The following FBXW4 variants were observed in gnomAD, a reference collection of about 807,000 sequenced individuals.
FBXW4 encodes the protein F-box and WD repeat domain containing 4.
Under a neutral mutation model 61.8 loss-of-function variants are expected in FBXW4, and 40 were observed. The observed-to-expected ratio is 0.65, with a 90% CI of 0.50 to 0.84. The LOEUF (loss-of-function observed/expected upper bound fraction) is 0.84. Ranked by LOEUF, FBXW4 falls within the 40% of genes least tolerant of loss-of-function variation. The pLI is 0.00. For missense variants in FBXW4, 672 were observed against 753.8 expected (o/e 0.89, Z 1.27); for synonymous variants, 311 against 313.8 (o/e 0.99, Z 0.10).
At chr10:101,667,815 G>T in intron 5 of FBXW4, 71 bp downstream of exon 5, 1 of 1,326,040 alleles carries the variant, frequency 7.5e-7, no homozygotes, top group Non-Finnish European at 1.1e-6. Context: ...AGATTTTCTA[G>T]CTCACCTGAT....
chr10:101,612,232 C>T, intron 7 of FBXW4, 105 bp downstream of exon 7: 1 of 1,271,024 alleles, frequency 7.9e-7, no homozygotes, highest in African/African-American at 1.5e-5. Flanking sequence ...CCAGCCCTGA[C>T]ATGGAGTCTC....
intron 6 of FBXW4, among the ~76,000 whole-genome samples, chr10:101,617,631 A>T (rs2063835940): frequency 6.6e-6 from 1 of 152,246 alleles, no homozygotes; most frequent in South Asian, 2.1e-4. Flanking sequence ...ACAATGGCTC[A>T]AAGGCCAGGC....
chr10:101,611,603 G>A lies in FBXW4; in HGVS notation c.1584+25C>T. The A allele has an allele frequency of 6.2e-7, 1 of 1,612,690 alleles. No homozygotes were observed. The highest frequency in any genetic ancestry group is 8.5e-7 in the Non-Finnish European group (1 of 1,178,954). On this transcript the variant is annotated intron_variant, in intron 8 of 8. Coordinates refer to ENST00000331272, the MANE Select transcript of FBXW4 (RefSeq NM_022039.4). This position sits in a 1 kb window ranked among gnomAD's most constrained non-coding sequence, Gnocchi z 4.9. ...CATAATCATGAGTCCTGGCATGCTG[G>A]AGAAGAGGTGGGCAGGACACTTACG... is the stretch of plus-strand genomic sequence containing the variant.
At chr10:101,656,535 T>C (rs2064186793) in intron 5 of FBXW4, among the ~76,000 whole-genome samples, 2 of 152,228 alleles carry the variant, frequency 1.3e-5, no homozygotes, top group African/African-American at 2.4e-5. Flanking sequence ...AGCCCACATA[T>C]GGAGGCTCCA....
intron 5 of FBXW4, among the ~76,000 whole-genome samples, chr10:101,664,844 C>T (rs1173332951): frequency 1.3e-5 from 2 of 152,138 alleles, no homozygotes; most frequent in African/African-American, 2.4e-5. Context: ...ACATATATTA[C>T]AGCCCTTTTA....
intron 6 of FBXW4, among the ~76,000 whole-genome samples, chr10:101,616,657 A>C (rs1479241849): frequency 6.6e-6 from 1 of 152,250 alleles, no homozygotes. Context: ...AAGGTGCAGC[A>C]CTAGGGCAAC....
At chr10:101,671,039 A>C (rs2064354588) in intron 4 of FBXW4, among the ~76,000 whole-genome samples, 1 of 152,222 alleles carries the variant, frequency 6.6e-6, no homozygotes, top group South Asian at 2.1e-4. Context: ...AATTCTTATG[A>C]AGGTTCAGGT....
intron 5 of FBXW4, among the ~76,000 whole-genome samples, chr10:101,632,943 T>A (rs1384175996): frequency 6.6e-6 from 1 of 152,074 alleles, no homozygotes; most frequent in Admixed American, 6.6e-5. Context: ...TCCAAAAGAC[T>A]CAACCAAAAA....
At position 101,673,623 on chromosome 10, in the gene FBXW4, G is replaced by C. The variant is rs368317323; in HGVS notation, c.872C>G (p.Ala291Gly). The change falls in exon 3 of 9, where the codon GCT (alanine) becomes GGT (glycine). Residue 291 changes from alanine to glycine, a missense_variant. Ala to Gly is a moderately conservative substitution (Grantham distance 60). Around this residue, in one of 5 missense-constraint regions of FBXW4, gnomAD observed 312 missense variants for 370.1 expected, o/e 0.84. Coordinates refer to ENST00000331272, the MANE Select transcript of FBXW4 (RefSeq NM_022039.4). The stretch of plus-strand genomic sequence containing the variant: ...GAACTGGTAGGCCAGGATGAAATTA[G>C]CCTGGGATATGTACAGAGAATCATC... ...LEDDSLYISQ[A>G]NFILAYQFRP... 37 of 1,613,960 alleles carry C rather than the reference G, an allele frequency of 2.3e-5. No individual in the cohort carries two copies. Among genetic ancestry groups the C allele is most frequent in the Admixed American group, 2.2e-4 (13 of 60,004 alleles).
At chr10:101,616,020 T>G (rs1176775064) in intron 6 of FBXW4, among the ~76,000 whole-genome samples, 1 of 152,182 alleles carries the variant, frequency 6.6e-6, no homozygotes, top group Non-Finnish European at 1.5e-5. Context: ...TTTAACATAC[T>G]GAATTCCTGA....
At chr10:101,661,605 G>A (rs1259090179) in intron 5 of FBXW4, among the ~76,000 whole-genome samples, 1 of 152,046 alleles carries the variant, frequency 6.6e-6, no homozygotes, top group Non-Finnish European at 1.5e-5. Flanking sequence ...CGGGTGTCAT[G>A]ACGCCCCTTC....
intron 4 of FBXW4, among the ~76,000 whole-genome samples, chr10:101,671,814 A>G (rs901988031): frequency 6.6e-6 from 1 of 152,246 alleles, no homozygotes; most frequent in African/African-American, 2.4e-5. Flanking sequence ...GTGACAGGAA[A>G]TTCAGTTTCC....
rs80230537 is a variant in FBXW4 at position 101,678,154 on chromosome 10, A to G, written c.726-1718T>C. Reference sequence around the variant, plus strand: ...GCTGAGTTAACAGCAATAAGAGAAGAGAGCACACAAGCTACAGGAATGGCA... The same window carrying G: ...GCTGAGTTAACAGCAATAAGAGAAGGGAGCACACAAGCTACAGGAATGGCA... On this transcript the variant is annotated intron_variant, in intron 1 of 8. Transcript: ENST00000331272. Among the ~76,000 whole-genome samples the G allele has an allele frequency of 8.5e-5, 13 of 152,358 alleles. No homozygotes were observed. In the East Asian group the frequency reaches 2.5e-3, roughly 29 times the overall value.
intron 1 of FBXW4, among the ~76,000 whole-genome samples, chr10:101,684,632 C>T (rs1589782624): frequency 6.6e-6 from 1 of 152,278 alleles, no homozygotes; most frequent in African/African-American, 2.4e-5. Context: ...GATTTTTCCC[C>T]AGATTGCCTG....
chr10:101,642,500 C>G (rs539141128), intron 5 of FBXW4, among the ~76,000 whole-genome samples: 1 of 152,192 alleles, frequency 6.6e-6, no homozygotes, highest in South Asian at 2.1e-4. Flanking sequence ...TGAGCTGCCC[C>G]TTCCTGCTCC....
intron 7 of FBXW4, 121 bp downstream of exon 7, chr10:101,612,216 T>G: frequency 8.3e-7 from 1 of 1,200,914 alleles, no homozygotes; most frequent in Non-Finnish European, 1.1e-6. Context: ...GCAGGCCTCT[T>G]CCTTCCCAGC....
intron 5 of FBXW4, among the ~76,000 whole-genome samples, chr10:101,638,488 C>CAAA (rs781303866): frequency 1.3e-5 from 1 of 79,610 alleles, no homozygotes. Context: ...GGATGTCCTG[C>CAAA]AAAAAAAAAA....
At chr10:101,618,329 G>A (rs923975410) in intron 6 of FBXW4, among the ~76,000 whole-genome samples, 10 of 152,240 alleles carry the variant, frequency 6.6e-5, no homozygotes, top group Non-Finnish European at 1.2e-4. Flanking sequence ...TCCAGCCACA[G>A]GGGTCAGGAT....
intron 5 of FBXW4, among the ~76,000 whole-genome samples, chr10:101,658,194 C>G (rs1290933786): frequency 6.6e-6 from 1 of 152,100 alleles, no homozygotes; most frequent in Non-Finnish European, 1.5e-5. Flanking sequence ...GCTTGGAAGT[C>G]CTGGGGACCA....
Sources: allele counts gnomAD v4.1 joint callset (sites outside exome capture counted in the v4.1 genomes callset), GRCh38; gene constraint gnomAD v4.1.1; regional missense constraint gnomAD v4.1.1; non-coding constraint Gnocchi (gnomAD v3.1); transcripts MANE v1.5; gene names NCBI Gene and HGNC (gene_info 2026-07-23, HGNC 2026-07-21).